Variants in ACSM4 observed in about 807,000 individuals in gnomAD.
ACSM4 encodes acyl-coenzyme A synthetase ACSM4, mitochondrial.
Under a neutral mutation model 73.0 loss-of-function variants are expected in ACSM4, and 66 were observed. That is an observed-to-expected ratio of 0.90 (90% CI 0.74 to 1.11). The LOEUF (loss-of-function observed/expected upper bound fraction) is 1.11, where lower values mean the gene tolerates loss of function less well. Among genes scored for constraint, ACSM4 ranks in the 50% least tolerant of loss-of-function variants. The pLI is 0.00. For synonymous variants in ACSM4, 222 were observed against 254.0 expected (o/e 0.87, Z 1.20); for missense variants, 645 against 714.4 (o/e 0.90, Z 1.11).
At chr12:7,311,114 C>T (rs1025652116) in intron 3 of ACSM4, among the ~76,000 whole-genome samples, 43 of 150,758 alleles carry the variant, frequency 2.9e-4, no homozygotes, top group African/African-American at 8.6e-4. Context: ...TGCAGTGAGC[C>T]GAGTTTATAC....
At chr12:7,327,810 G>A (rs1946520131) in intron 12 of ACSM4, among the ~76,000 whole-genome samples, 1 of 152,142 alleles carries the variant, frequency 6.6e-6, no homozygotes, top group African/African-American at 2.4e-5. Flanking sequence ...TTAAAATACA[G>A]TAGTCTTATT....
At position 7,306,565 on chromosome 12, in the gene ACSM4, G is replaced by A. The variant is rs1275548342; in HGVS notation, c.234G>A (p.Trp78Ter). Residue 78 changes from tryptophan (W) to a stop codon, truncating the protein, a stop_gained, in exon 2 of 13, where the codon TGG (tryptophan) becomes TGA (stop). Transcript: ENST00000399422. LOFTEE classifies it high-confidence loss of function. ...AGAGACCAGCTAACCCAGCCCTGTG[G>A]TGGGTGAATGGCAAAGGGGATGAGG... is the stretch of plus-strand genomic sequence containing the variant. ...TGERPANPAL[W>*]WVNGKGDEVK... 6.2e-7 allele frequency: 1 copy of A among 1,600,772 alleles called. No homozygotes were observed. The highest frequency in any genetic ancestry group is 1.3e-5 in the African/African-American group (1 of 74,808).
At chr12:7,323,430 A>G in intron 8 of ACSM4, 29 bp from the exon 9 acceptor site, 1 of 1,610,100 alleles carries the variant, frequency 6.2e-7, no homozygotes, top group Non-Finnish European at 8.5e-7. Context: ...AGAAAATTTT[A>G]AGACCATCAA....
chr12:7,328,359 T>C lies in ACSM4; in HGVS notation c.1729T>C (p.Trp577Arg). The change falls in exon 13 of 13, where the codon TGG (tryptophan) becomes CGG (arginine). Residue 577 changes from tryptophan to arginine, a missense_variant. Physicochemically the swap from Trp to Arg is moderately radical, Grantham distance 101 (BLOSUM62 -3). Transcript: ENST00000399422. Reference protein sequence around the residue: ...IKRNVLRDQEWRGR With the variant: ...IKRNVLRDQERRGR Reference sequence around the variant, plus strand: ...ACGCAACGTTTTAAGAGACCAAGAATGGAGAGGAAGATAGTTTGATAACAA... The same window carrying C: ...ACGCAACGTTTTAAGAGACCAAGAACGGAGAGGAAGATAGTTTGATAACAA... 1.3e-6 allele frequency: 2 copies of C among 1,590,172 alleles called. No homozygotes were observed. Among genetic ancestry groups the C allele is most frequent in the Non-Finnish European group, 1.7e-6 (2 of 1,167,352 alleles).
intron 2 of ACSM4, among the ~76,000 whole-genome samples, chr12:7,307,169 G>A (rs758953152): frequency 2.6e-5 from 4 of 152,270 alleles, no homozygotes; most frequent in Non-Finnish European, 5.9e-5. Context: ...CAGGAGAATC[G>A]CGTGAACCCG....
chr12:7,318,142 T>G lies in ACSM4; in HGVS notation c.881T>G (p.Val294Gly). The G allele has an allele frequency of 6.2e-7, 1 of 1,613,774 alleles. No individual in the cohort carries two copies. Among genetic ancestry groups the G allele is most frequent in the Non-Finnish European group, 8.5e-7 (1 of 1,179,838 alleles). Residue 294 changes from valine (V) to glycine (G), a missense_variant, in exon 5 of 13, where the codon GTG becomes GGG. Physicochemically the swap from Val to Gly is moderately radical, Grantham distance 109. Coordinates refer to ENST00000399422, the MANE Select transcript of ACSM4 (RefSeq NM_001080454.2). ...SSWLCGACVFVHRMAQFDTDT... is the reference protein window; with the variant it reads ...SSWLCGACVFGHRMAQFDTDT... The stretch of plus-strand genomic sequence containing the variant: ...TGGCTGTGTGGAGCCTGTGTTTTTG[T>G]GCATCGAATGGCACAGTTTGACACT...
chr12:7,322,731 T>A (rs1356250230), intron 7 of ACSM4, among the ~76,000 whole-genome samples, 190 bp downstream of exon 7: 1 of 152,100 alleles, frequency 6.6e-6, no homozygotes, highest in African/African-American at 2.4e-5. Context: ...GAATGATGAT[T>A]ATTCCATCAT....
In ACSM4 at chr12:7,304,288, A is replaced by G; in HGVS notation, c.-44A>G. ...CTATCCATCTCTCCCTACAGGCTGT[A>G]GTACTTCTGTGTCCATAGCAGTAGA... On this transcript the variant is annotated 5_prime_UTR_variant, in exon 1 of 13. Coordinates refer to ENST00000399422, the MANE Select transcript of ACSM4 (RefSeq NM_001080454.2). 1 of 1,566,840 alleles carries G rather than the reference A, an allele frequency of 6.4e-7. No homozygotes were observed. The highest frequency in any genetic ancestry group is 8.8e-7 in the Non-Finnish European group (1 of 1,137,662).
intron 3 of ACSM4, among the ~76,000 whole-genome samples, chr12:7,315,120 T>G (rs1357823010): frequency 2.0e-5 from 3 of 149,408 alleles, no homozygotes; most frequent in African/African-American, 7.4e-5. Context: ...TGCTTGAACC[T>G]GGGAGGTGGA....
Position 7,327,130 on chromosome 12 carries a change from T to C in ACSM4, c.1656+35T>C, listed in dbSNP as rs775845066. On this transcript the variant is annotated intron_variant, in intron 12 of 12. Coordinates refer to ENST00000399422, the MANE Select transcript of ACSM4 (RefSeq NM_001080454.2). ...TTGCCCAAAAGTTAAGTTTGGATGT[T>C]ACCAAACTAGGGTCTAAGCTAGAAT... The C allele has an allele frequency of 1.2e-5, 19 of 1,561,866 alleles. No individual in the cohort carries two copies. In the South Asian group the frequency reaches 2.2e-4, roughly 18 times the overall value.
At chr12:7,311,558 C>T (rs1311789418) in intron 3 of ACSM4, among the ~76,000 whole-genome samples, 1 of 152,232 alleles carries the variant, frequency 6.6e-6, no homozygotes, top group African/African-American at 2.4e-5. Flanking sequence ...TTCTTCATAT[C>T]ACTCGTCACC....
At chr12:7,324,026 C>T (rs137876998) in intron 9 of ACSM4, among the ~76,000 whole-genome samples, 211 of 151,914 alleles carry the variant, frequency 1.4e-3, no homozygotes, top group African/African-American at 4.6e-3. Flanking sequence ...AAACATAATA[C>T]GGTTAGTCAG....
chr12:7,318,272 C>G (rs1946436193), intron 5 of ACSM4, 90 bp downstream of exon 5: 2 of 1,486,450 alleles, frequency 1.3e-6, no homozygotes, highest in Non-Finnish European at 1.8e-6. Flanking sequence ...GAATACAAGG[C>G]TTCTTGGGCT....
chr12:7,314,925 G>A (rs1315562928), intron 3 of ACSM4, among the ~76,000 whole-genome samples: 31 of 152,052 alleles, frequency 2.0e-4, no homozygotes, highest in Admixed American at 2.0e-3. Flanking sequence ...GCTGGAGATG[G>A]TGGCTCATGC....
intron 5 of ACSM4, among the ~76,000 whole-genome samples, chr12:7,319,332 G>T (rs766291002): frequency 6.6e-6 from 1 of 151,982 alleles, no homozygotes; most frequent in South Asian, 2.1e-4. Context: ...GATAAAGCAG[G>T]CATAATCCCA....
rs1229330830 is a variant in ACSM4, at chr12:7,320,735, C to T, written c.932C>T (p.Thr311Ile). 2.5e-6 allele frequency: 4 copies of T among 1,613,320 alleles called. No individual in the cohort carries two copies. In the African/African-American group the frequency reaches 4.0e-5, roughly 16 times the overall value. ...TTCTCCATCATCCAGACACTTACTA[C>T]TTATCCCATCACGACCCTGTGCAGT... Reference protein sequence around the residue: ...DTDTFLDTLTTYPITTLCSPP... With the variant: ...DTDTFLDTLTIYPITTLCSPP... Residue 311 changes from threonine to isoleucine, a missense_variant, in exon 6 of 13, where the codon ACT becomes ATT. Thr to Ile is a moderately conservative substitution (Grantham distance 89). Transcript: ENST00000399422.
intron 11 of ACSM4, 103 bp downstream of exon 11, chr12:7,324,701 C>A: frequency 2.3e-6 from 3 of 1,297,210 alleles, no homozygotes; most frequent in South Asian, 2.7e-5. Context: ...TATTAATTCT[C>A]GTTATGAAGC....
In ACSM4 at chr12:7,317,298, G is replaced by A. The variant is rs1247194365; in HGVS notation, c.764+18G>A. The A allele has an allele frequency of 6.5e-7, 1 of 1,541,322 alleles. No homozygotes were observed. Among genetic ancestry groups the A allele is most frequent in the South Asian group, 1.2e-5 (1 of 81,778 alleles). On this transcript the variant is annotated intron_variant, in intron 4 of 12. Transcript: ENST00000399422. ...TGCGGAAGGTAGGGAAGAAAATTCA[G>A]TTTGTTTTTGGTGAACTCCCCCAAA...
Position 7,317,107 on chromosome 12 carries a change from C to A in ACSM4, c.621-30C>A, listed in dbSNP as rs184102510. 145 of 1,591,928 alleles carry A rather than the reference C, an allele frequency of 9.1e-5. 1 individual carries two copies. The East Asian group carries it at 3.2e-3, about 35-fold the overall frequency. The stretch of plus-strand genomic sequence containing the variant: ...AGAGTCAAACTGGTCTGCCATCTTC[C>A]ACCGCCATCTTGGGGTCCATATTTT... On this transcript the variant is annotated intron_variant, in intron 3 of 12. Coordinates refer to ENST00000399422, the MANE Select transcript of ACSM4 (RefSeq NM_001080454.2).
Sources: allele counts gnomAD v4.1 joint callset (sites outside exome capture counted in the v4.1 genomes callset), GRCh38; gene constraint gnomAD v4.1.1; transcripts MANE v1.5; gene names NCBI Gene and HGNC (gene_info 2026-07-23, HGNC 2026-07-21).